RARB: variants seen among roughly 807,000 people sequenced by gnomAD.
RARB encodes the protein HBV-activated protein.
In RARB, 17 loss-of-function variants were observed where a neutral mutation model predicts 51.9. The ratio of observed to expected loss-of-function variants is 0.33; its 90% CI spans 0.22 to 0.49. RARB has a LOEUF of 0.49. Among genes scored for constraint, RARB ranks in the 20% least tolerant of loss-of-function variants. The pLI is 0.99. For synonymous variants in RARB, 215 were observed against 195.4 expected, an observed-to-expected ratio of 1.10 and a Z score of -0.84; for missense variants, 369 against 550.8, an observed-to-expected ratio of 0.67 and a Z score of 3.30.
At chr3:25,220,665 T>G (rs1395667685) in intron 5 of RARB, among the ~76,000 whole-genome samples, 1 of 152,202 alleles carries the variant, frequency 6.6e-6, no homozygotes, top group African/African-American at 2.4e-5. Flanking sequence ...GTGAAGAAGA[T>G]GCCTGCCTCC....
intron 2 of RARB, among the ~76,000 whole-genome samples, chr3:24,979,197 G>A (rs1214337883): frequency 1.3e-5 from 2 of 152,312 alleles, no homozygotes; most frequent in Middle Eastern, 3.4e-3. Flanking sequence ...TAGAATAAGT[G>A]CGATGTGGTG....
intron 5 of RARB, among the ~76,000 whole-genome samples, chr3:25,379,363 A>C (rs557341653): frequency 6.6e-6 from 1 of 152,246 alleles, no homozygotes; most frequent in East Asian, 1.9e-4. Flanking sequence ...AAATTACTAG[A>C]CTCACACTTA....
At chr3:24,958,022 G>A (rs1405341846) in intron 2 of RARB, among the ~76,000 whole-genome samples, 2 of 152,082 alleles carry the variant, frequency 1.3e-5, no homozygotes, top group East Asian at 1.9e-4. Flanking sequence ...TTTTATTGGT[G>A]ACTGTGTTTA....
At chr3:25,063,929 CTAAT>C (rs1410473210) in intron 3 of RARB, among the ~76,000 whole-genome samples, 1 of 151,948 alleles carries the variant, frequency 6.6e-6, no homozygotes, top group Non-Finnish European at 1.5e-5. Context: ...AGGGAAGACT[CTAAT>C]TACCAAATGC....
At chr3:25,179,524 A>G (rs1700820935) in intron 5 of RARB, among the ~76,000 whole-genome samples, 1 of 152,208 alleles carries the variant, frequency 6.6e-6, no homozygotes, top group African/African-American at 2.4e-5. Flanking sequence ...ATTTATATCT[A>G]TGTATCCTTA....
chr3:24,903,550 T>G (rs1694763984), intron 2 of RARB, among the ~76,000 whole-genome samples: 1 of 152,180 alleles, frequency 6.6e-6, no homozygotes, highest in East Asian at 1.9e-4. Flanking sequence ...TCTTCAGATG[T>G]CAGCTTAATA....
intron 2 of RARB, among the ~76,000 whole-genome samples, chr3:24,902,760 C>T (rs1703635747): frequency 1.3e-5 from 2 of 152,088 alleles, no homozygotes; most frequent in Non-Finnish European, 2.9e-5. Context: ...TTTTACCTTT[C>T]TTGGTAAAAA....
chr3:25,450,797 C>T (rs1329408200), intron 1 of RARB, among the ~76,000 whole-genome samples: 2 of 151,958 alleles, frequency 1.3e-5, no homozygotes, highest in Non-Finnish European at 2.9e-5. Context: ...GCTAAAAACC[C>T]CTACCCGGCC....
At position 25,505,339 on chromosome 3, in the gene RARB, G is replaced by A. The variant is rs148351473; in HGVS notation, c.448+4016G>A. On this transcript the variant is annotated intron_variant, in intron 3 of 7. Coordinates refer to ENST00000330688, the MANE Select transcript of RARB (RefSeq NM_000965.5). ...CATAGGAAGCAGCGTTTAAAACTCCGAGTTCCTTTTTCCACTCTATTTTAT... is the reference window on the plus strand; with the variant it reads ...CATAGGAAGCAGCGTTTAAAACTCCAAGTTCCTTTTTCCACTCTATTTTAT... Among the ~76,000 whole-genome samples the A allele has an allele frequency of 3.6e-3, 548 of 152,202 alleles. 2 individuals carry two copies. Among genetic ancestry groups the A allele is most frequent in the African/African-American group, 0.013 (522 of 41,538 alleles).
intron 2 of RARB, among the ~76,000 whole-genome samples, chr3:24,942,043 G>T (rs1211416707): frequency 1.3e-5 from 2 of 152,164 alleles, no homozygotes; most frequent in African/African-American, 2.4e-5. Flanking sequence ...GATGTGAAAG[G>T]TTTCTTAGAT....
intron 1 of RARB, among the ~76,000 whole-genome samples, chr3:24,838,294 A>G (rs1559367915): frequency 6.6e-6 from 1 of 152,168 alleles, no homozygotes; most frequent in Non-Finnish European, 1.5e-5. Context: ...AATCCAGGAT[A>G]ATATCTCCTT....
intron 4 of RARB, among the ~76,000 whole-genome samples, chr3:25,150,521 A>G (rs11710620): frequency 0.62 from 94,101 of 152,008 alleles, 29,327 homozygotes; most frequent in East Asian, 0.73. Flanking sequence ...ACAGATGCCA[A>G]AAAAGATCAT....
chr3:25,424,205 G>T (rs567481065), upstream of RARB, among the ~76,000 whole-genome samples: 1 of 152,178 alleles, frequency 6.6e-6, no homozygotes, highest in Non-Finnish European at 1.5e-5. Context: ...CTAAGAAGTC[G>T]CTATACTCAT....
rs1221071808 is a variant in RARB at position 25,592,416 on chromosome 3, T to C, written c.787-1087T>C. Among the ~76,000 whole-genome samples, 3 of 152,212 alleles carry C rather than the reference T, an allele frequency of 2.0e-5. No individual in the cohort carries two copies. The East Asian group carries it at 5.8e-4, about 29-fold the overall frequency. On this transcript the variant is annotated intron_variant, in intron 5 of 7. Coordinates refer to ENST00000330688, the MANE Select transcript of RARB (RefSeq NM_000965.5). ...TCTGAAACTTTTTCAGAGAGAAAAG[T>C]CAAGTATGGAAACCTGGTCAGCAGA... is the stretch of plus-strand genomic sequence containing the variant.
chr3:24,840,989 G>T (rs957375035), intron 1 of RARB, among the ~76,000 whole-genome samples: 1 of 152,074 alleles, frequency 6.6e-6, no homozygotes, highest in African/African-American at 2.4e-5. Context: ...TGCAATGAGG[G>T]GTTTTGCACA....
chr3:24,850,595 T>G (rs1047549096), intron 1 of RARB, among the ~76,000 whole-genome samples: 1 of 152,082 alleles, frequency 6.6e-6, no homozygotes, highest in African/African-American at 2.4e-5. Flanking sequence ...AAGAAACCTA[T>G]GCAGACAGAA....
chr3:25,405,067 A>G (rs1707370380), intron 5 of RARB, among the ~76,000 whole-genome samples: 1 of 152,198 alleles, frequency 6.6e-6, no homozygotes, highest in Admixed American at 6.5e-5. Flanking sequence ...TGCAGGTTTC[A>G]TGTCTCTGTT....
At chr3:25,051,658 TGATA>T (rs1322462009) in intron 2 of RARB, among the ~76,000 whole-genome samples, 18 of 152,218 alleles carry the variant, frequency 1.2e-4, no homozygotes, top group Admixed American at 9.8e-4. Context: ...AGCTATTAGA[TGATA>T]GATAGATCAA....
chr3:25,193,379 C>A (rs1170084225), intron 5 of RARB, among the ~76,000 whole-genome samples: 5 of 151,952 alleles, frequency 3.3e-5, no homozygotes, highest in South Asian at 4.1e-4. Flanking sequence ...ATAAAAAAAA[C>A]CTGTTTGCAC....
Sources: gnomAD v4.1 joint callset for allele counts (sites outside exome capture counted in the v4.1 genomes callset) on GRCh38, gnomAD v4.1.1 for gene constraint, MANE v1.5 for transcripts, NCBI Gene and HGNC (gene_info 2026-07-23, HGNC 2026-07-21) for gene names.